SERPINB8: variants seen among roughly 807,000 people sequenced by gnomAD.
The protein encoded by SERPINB8 is serpin family B member 8, also known as serpin B8.
In SERPINB8, 25 loss-of-function variants were observed where a neutral mutation model predicts 35.3. The observed-to-expected ratio is 0.71, with a 90% CI of 0.52 to 0.99. SERPINB8 has a LOEUF of 0.99. Ranked by LOEUF, SERPINB8 falls within the 50% of genes least tolerant of loss-of-function variation. The probability of loss-of-function intolerance (pLI) is 0.00; values close to 1 mark genes in which losing one functional copy is unlikely to be tolerated. For missense variants in SERPINB8, 484 were observed against 446.5 expected (o/e 1.08, Z -0.76); for synonymous variants, 186 against 160.8 (o/e 1.16, Z -1.19).
At chr18:64,008,543 C>T (rs1302592705), downstream of SERPINB8, among the ~76,000 whole-genome samples, 1 of 151,982 alleles carries the variant, frequency 6.6e-6, no homozygotes, top group East Asian at 1.9e-4. Flanking sequence ...GCCACCATGC[C>T]TGGCCCATTA....
chr18:63,983,360 G>T (rs75489772), intron 4 of SERPINB8, among the ~76,000 whole-genome samples: 2,731 of 152,230 alleles, frequency 0.018, 56 homozygotes, highest in East Asian at 0.083. Flanking sequence ...AGGGCAAAAT[G>T]ATAGTTGCCC....
intron 1 of SERPINB8, 40 bp from the exon 2 acceptor site, chr18:63,978,259 A>T (rs764374875): frequency 6.2e-7 from 1 of 1,611,934 alleles, no homozygotes; most frequent in African/African-American, 1.3e-5. Context: ...TACCGGAGTC[A>T]TTGGCTTATG....
intron 2 of SERPINB8, 124 bp downstream of exon 2, chr18:63,978,600 C>T (rs1482277633): frequency 1.7e-5 from 19 of 1,095,036 alleles, no homozygotes; most frequent in Middle Eastern, 2.1e-4. Flanking sequence ...AGGAGCAGCT[C>T]GGCAGTGGAG....
At chr18:64,008,194 G>A (rs891810598), downstream of SERPINB8, among the ~76,000 whole-genome samples, 2 of 152,046 alleles carry the variant, frequency 1.3e-5, no homozygotes, top group African/African-American at 2.4e-5. Context: ...GCTTTAACAC[G>A]TATTCAGGAG....
intron 7 of SERPINB8, among the ~76,000 whole-genome samples, chr18:64,012,513 T>C (rs953627841): frequency 6.6e-6 from 1 of 152,156 alleles, no homozygotes; most frequent in Non-Finnish European, 1.5e-5. Context: ...AACAATGTTC[T>C]AAACTTCACG....
rs1165624709 is a variant in SERPINB8 at position 63,987,066 on chromosome 18, G to A, written c.913G>A (p.Glu305Lys). Residue 305 changes from glutamate to lysine, a missense_variant, in exon 7 of 7, where the codon GAG becomes AAG. By Grantham distance (56) the Glu-to-Lys change is moderately conservative. Transcript: ENST00000397985. ...AKADFSGMST[E>K]KNVPLSKVAH... Reference sequence around the variant, plus strand: ...GGCAGACTTTTCTGGAATGTCAACTGAGAAGAATGTGCCTCTGTCCAAGGT... The same window carrying A: ...GGCAGACTTTTCTGGAATGTCAACTAAGAAGAATGTGCCTCTGTCCAAGGT... 5 of 1,614,196 alleles carry A rather than the reference G, an allele frequency of 3.1e-6. No homozygotes were observed. In the South Asian group the frequency reaches 5.5e-5, roughly 18 times the overall value.
chr18:63,979,665 T>C, intron 2 of SERPINB8, 136 bp from the exon 3 acceptor site: 1 of 994,198 alleles, frequency 1.0e-6, no homozygotes, highest in South Asian at 1.6e-5. Context: ...TGAGAAACCC[T>C]GTGCTAGACA....
downstream of SERPINB8, among the ~76,000 whole-genome samples, chr18:64,009,058 T>G (rs1322888420): frequency 6.6e-6 from 1 of 152,222 alleles, no homozygotes; most frequent in East Asian, 1.9e-4. Flanking sequence ...TTTATGCATC[T>G]AAATAGCAAT....
chr18:64,012,839 C>T lies in SERPINB8; in HGVS notation c.*3-6071C>T, dbSNP rs138974954. On this transcript the variant is annotated intron_variant, in intron 7 of 7. Coordinates refer to the SERPINB8 transcript ENST00000636430. Reference sequence around the variant, plus strand: ...TCTCTACTGCTGAATACATGGGACACGTGTCTCAGAAAGTGTGACTAATTG... The same window carrying T: ...TCTCTACTGCTGAATACATGGGACATGTGTCTCAGAAAGTGTGACTAATTG... 8.6e-4 allele frequency among the ~76,000 whole-genome samples: 131 copies of T among 152,146 alleles called. 1 individual carries two copies. Among genetic ancestry groups the T allele is most frequent in the African/African-American group, 2.6e-3 (110 of 41,514 alleles).
At chr18:63,990,421 C>T (rs1248540893), downstream of SERPINB8, among the ~76,000 whole-genome samples, 2 of 151,890 alleles carry the variant, frequency 1.3e-5, no homozygotes, top group Non-Finnish European at 2.9e-5. Flanking sequence ...ATATGGCTAC[C>T]AAATCTTTTA....
chr18:63,972,824 G>GT (rs983568741), intron 1 of SERPINB8, among the ~76,000 whole-genome samples: 2 of 151,850 alleles, frequency 1.3e-5, no homozygotes, highest in African/African-American at 2.4e-5. Flanking sequence ...TGAACTCATC[G>GT]TTTTTTTATG....
downstream of SERPINB8, among the ~76,000 whole-genome samples, chr18:63,989,898 C>A (rs1484180337): frequency 1.5e-5 from 2 of 135,148 alleles, no homozygotes; most frequent in African/African-American, 2.8e-5. Flanking sequence ...AGCCGAGATC[C>A]CGCCACTGCA....
chr18:63,996,023 G>A lies in SERPINB8; in HGVS notation c.71-8796G>A, dbSNP rs147292347. On this transcript the variant is annotated intron_variant, in intron 1 of 1. Transcript: ENST00000493661. ...AGGCCATCATGATGGGTGAGGGGTC[G>A]GGTTTCTCATTGTCCAGATGTGTAG... Among the ~76,000 whole-genome samples, 873 of 152,244 alleles carry A rather than the reference G, an allele frequency of 5.7e-3. 1 individual carries two copies. Among genetic ancestry groups the A allele is most frequent in the Middle Eastern group, 0.01 (3 of 294 alleles).
intron 1 of SERPINB8, among the ~76,000 whole-genome samples, chr18:63,975,112 TACACACACAC>T (rs60613919): frequency 6.8e-6 from 1 of 147,372 alleles, no homozygotes; most frequent in African/African-American, 2.5e-5. Flanking sequence ...TAAACACACC[TACACACACAC>T]ACACACACAC....
In SERPINB8 at chr18:63,979,953, C is replaced by T; in HGVS notation, c.306+15C>T. The T allele has an allele frequency of 6.2e-7, 1 of 1,612,762 alleles. No individual in the cohort carries two copies. On this transcript the variant is annotated intron_variant, in intron 3 of 6. Coordinates refer to ENST00000397985, the MANE Select transcript of SERPINB8 (RefSeq NM_002640.4). ...ATTTCCTTCCAGTAAGTAGTATTCA[C>T]ATATTGATGACAAAGAAATTGAAAG...
At chr18:63,989,645 T>C (rs961124887), downstream of SERPINB8, among the ~76,000 whole-genome samples, 2 of 152,078 alleles carry the variant, frequency 1.3e-5, no homozygotes, top group Non-Finnish European at 2.9e-5. Flanking sequence ...TGTTCAGCAT[T>C]TAAAAAAATG....
chr18:64,019,710 T>C (rs977794751), exon 8 of SERPINB8: 12 of 151,920 alleles, frequency 7.9e-5, no homozygotes, highest in African/African-American at 2.7e-4. Context: ...GACAGTGTGA[T>C]TTGATGGCCC....
chr18:63,979,808 G>T lies in SERPINB8; in HGVS notation c.176G>T (p.Cys59Phe). ...STAAQMSQAL[C>F]LYKDGDIHRG... ...GTTGGTTTCTGTTCCCAGGCACTTT[G>T]TTTATACAAAGACGGAGATATTCAC... Residue 59 changes from cysteine (C) to phenylalanine (F), a missense_variant, in exon 3 of 7, where the codon TGT becomes TTT. By Grantham distance (205) the Cys-to-Phe change is radical (BLOSUM62 -2). Coordinates refer to ENST00000397985, the MANE Select transcript of SERPINB8 (RefSeq NM_002640.4). 6.2e-7 allele frequency: 1 copy of T among 1,614,018 alleles called. No individual in the cohort carries two copies. Among genetic ancestry groups the T allele is most frequent in the Non-Finnish European group, 8.5e-7 (1 of 1,179,956 alleles).
chr18:63,979,807 T>G lies in SERPINB8; in HGVS notation c.175T>G (p.Cys59Gly). 6.2e-7 allele frequency: 1 copy of G among 1,614,124 alleles called. No homozygotes were observed. Among genetic ancestry groups the G allele is most frequent in the Non-Finnish European group, 8.5e-7 (1 of 1,179,994 alleles). ...TGTTGGTTTCTGTTCCCAGGCACTT[T>G]GTTTATACAAAGACGGAGATATTCA... Reference protein sequence around the residue: ...STAAQMSQALCLYKDGDIHRG... With the variant: ...STAAQMSQALGLYKDGDIHRG... The change falls in exon 3 of 7, where the codon TGT (cysteine) becomes GGT (glycine). Residue 59 changes from cysteine to glycine, a missense_variant. Cys to Gly is a radical substitution (Grantham distance 159). Transcript: ENST00000397985.
Sources: allele counts gnomAD v4.1 joint callset (sites outside exome capture counted in the v4.1 genomes callset), GRCh38; gene constraint gnomAD v4.1.1; transcripts MANE v1.5; gene names NCBI Gene and HGNC (gene_info 2026-07-23, HGNC 2026-07-21).